WFDC3: variants seen among roughly 807,000 people sequenced by gnomAD.
The protein encoded by WFDC3 is WAP four-disulfide core domain protein 3.
In WFDC3, 15 loss-of-function variants were observed where a neutral mutation model predicts 25.8. The observed-to-expected ratio is 0.58, with a 90% confidence interval of 0.39 to 0.89. The LOEUF (loss-of-function observed/expected upper bound fraction) is 0.89, where lower values mean the gene tolerates loss of function less well. Among genes scored for constraint, WFDC3 ranks in the 40% least tolerant of loss-of-function variants. The pLI is 0.00. For synonymous variants in WFDC3, 103 were observed against 107.1 expected (o/e 0.96, Z 0.24); for missense variants, 264 against 289.8 (o/e 0.91, Z 0.65).
intron 5 of WFDC3, among the ~76,000 whole-genome samples, chr20:45,776,175 C>T (rs978123669): frequency 4.0e-5 from 6 of 151,892 alleles, no homozygotes; most frequent in Non-Finnish European, 7.3e-5. Flanking sequence ...GCACAAGGGT[C>T]AATGATTCTT....
At chr20:45,789,795 T>G (rs745498168) in intron 2 of WFDC3, 99 bp downstream of exon 2, 2 of 1,089,434 alleles carry the variant, frequency 1.8e-6, no homozygotes, top group Non-Finnish European at 2.8e-6. Context: ...CATCTCCACT[T>G]ACAAGCAACC....
At chr20:45,784,600 GCATAGTGGCA>G (rs1287585449) in intron 4 of WFDC3, among the ~76,000 whole-genome samples, 8 of 152,206 alleles carry the variant, frequency 5.3e-5, no homozygotes, top group Non-Finnish European at 1.0e-4. Flanking sequence ...AATTAGCTGA[GCATAGTGGCA>G]CATGCCTATA....
rs1011568947 is a variant in WFDC3, at chr20:45,791,835, G to A, written c.-11C>T. On this transcript the variant is annotated 5_prime_UTR_variant, in exon 1 of 7. Transcript: ENST00000243938. Reference sequence around the variant, plus strand: ...AGCCCCAACGACCTCCACCTACAAGGCCTCTAAGTGTAACTGTCCTGGGCG... The same window carrying A: ...AGCCCCAACGACCTCCACCTACAAGACCTCTAAGTGTAACTGTCCTGGGCG... 33 of 422,582 alleles carry A rather than the reference G, an allele frequency of 7.8e-5. No homozygotes were observed. The highest frequency in any genetic ancestry group is 8.9e-5 in the Admixed American group (2 of 22,588). 26.2% of individuals were successfully genotyped at this position (422,582 alleles called of 1,614,324 possible).
intron 4 of WFDC3, among the ~76,000 whole-genome samples, chr20:45,783,705 C>T (rs1411142812): frequency 6.6e-6 from 1 of 151,944 alleles, no homozygotes; most frequent in East Asian, 1.9e-4. Context: ...CCTCAGGCAA[C>T]CTGACTGAAC....
intron 1 of WFDC3, among the ~76,000 whole-genome samples, chr20:45,790,416 T>C (rs571776251): frequency 1.3e-5 from 2 of 152,178 alleles, no homozygotes; most frequent in Non-Finnish European, 2.9e-5. Flanking sequence ...CATAATAAAA[T>C]TGTGGCTCCT....
intron 5 of WFDC3, among the ~76,000 whole-genome samples, chr20:45,776,806 C>T (rs909580522): frequency 6.6e-5 from 10 of 151,696 alleles, no homozygotes; most frequent in Non-Finnish European, 1.2e-4. Flanking sequence ...GTTTGCTTAC[C>T]TAAGGTCACA....
chr20:45,779,035 C>T (rs1980322229), intron 4 of WFDC3, among the ~76,000 whole-genome samples: 1 of 152,174 alleles, frequency 6.6e-6, no homozygotes, highest in Non-Finnish European at 1.5e-5. Context: ...AGAGAAGAAT[C>T]TTGCCCAGAA....
intron 4 of WFDC3, 27 bp from the exon 5 acceptor site, chr20:45,777,236 G>C (rs1323358787): frequency 1.4e-6 from 2 of 1,477,068 alleles, no homozygotes; most frequent in Admixed American, 2.5e-5. Context: ...TTGGAGCCCA[G>C]AGACGCTCAC....
intron 4 of WFDC3, among the ~76,000 whole-genome samples, chr20:45,784,275 G>C (rs1980575846): frequency 6.6e-6 from 1 of 152,224 alleles, no homozygotes; most frequent in South Asian, 2.1e-4. Context: ...GCCCAAGATA[G>C]CTGCCTAAGC....
intron 1 of WFDC3, chr20:45,790,904 G>A (rs1188608438): frequency 2.1e-6 from 1 of 471,098 alleles, no homozygotes; most frequent in Admixed American, 2.3e-5. Flanking sequence ...TGCTATGTAT[G>A]ACTCAAATAG....
At chr20:45,775,085 T>C (rs576800383) in intron 6 of WFDC3, among the ~76,000 whole-genome samples, 114 of 152,310 alleles carry the variant, frequency 7.5e-4, no homozygotes, top group African/African-American at 2.7e-3. Flanking sequence ...GGCATGTCCC[T>C]GTGCTATCCT....
At chr20:45,781,692 T>G (rs1980451276) in intron 4 of WFDC3, among the ~76,000 whole-genome samples, 1 of 152,184 alleles carries the variant, frequency 6.6e-6, no homozygotes, top group African/African-American at 2.4e-5. Flanking sequence ...AGTTCTCTAC[T>G]GGGGGCTGGT....
chr20:45,780,129 C>T (rs938623956), intron 4 of WFDC3, among the ~76,000 whole-genome samples: 62 of 148,446 alleles, frequency 4.2e-4, no homozygotes, highest in African/African-American at 1.4e-3. Flanking sequence ...GGTGCAGTGC[C>T]GCAATGGTGG....
chr20:45,777,112 G>A lies in WFDC3; in HGVS notation c.456C>T (p.Thr152=), dbSNP rs772120154. The A allele has an allele frequency of 5.0e-5, 80 of 1,612,068 alleles. No homozygotes were observed. The highest frequency in any genetic ancestry group is 1.3e-4 in the South Asian group (12 of 90,944). The part of the protein sequence containing the change: ...SCPQGHKCCS[T]GCGRTCLGDI... ...CTCCGAGGCAGGTGCGGCCACAGCC[G>A]GTGCTGCAGCATTTATGCCCCTGGG... The change falls in exon 5 of 7, where the codon ACC becomes ACT. Residue 152 remains threonine (T), a synonymous_variant. Coordinates refer to ENST00000243938, the MANE Select transcript of WFDC3 (RefSeq NM_080614.2).
intron 4 of WFDC3, among the ~76,000 whole-genome samples, chr20:45,780,850 G>A (rs1980410494): frequency 6.6e-6 from 1 of 152,174 alleles, no homozygotes; most frequent in Non-Finnish European, 1.5e-5. Flanking sequence ...TGTAAATAGA[G>A]AGACAGACAA....
At chr20:45,786,987 G>C (rs1380729464) in intron 4 of WFDC3, among the ~76,000 whole-genome samples, 3 of 150,976 alleles carry the variant, frequency 2.0e-5, no homozygotes, top group Non-Finnish European at 4.4e-5. Flanking sequence ...CCAGATAATA[G>C]GGAGGCTGAG....
At chr20:45,783,550 C>T (rs780749419) in intron 4 of WFDC3, among the ~76,000 whole-genome samples, 1 of 151,952 alleles carries the variant, frequency 6.6e-6, no homozygotes, top group Non-Finnish European at 1.5e-5. Flanking sequence ...TCCTTATCCC[C>T]ATTTTACAGA....
chr20:45,776,580 A>G (rs1271240607), intron 5 of WFDC3, among the ~76,000 whole-genome samples: 2 of 135,888 alleles, frequency 1.5e-5, no homozygotes, highest in Non-Finnish European at 3.1e-5. Flanking sequence ...CCTGGGGTAC[A>G]GACCAAGACT....
intron 2 of WFDC3, among the ~76,000 whole-genome samples, chr20:45,789,437 T>C (rs1328772746): frequency 5.0e-4 from 69 of 137,954 alleles, no homozygotes; most frequent in Non-Finnish European, 4.6e-5. Flanking sequence ...ACCTGGGAGG[T>C]GGAGTTTGCA....
Sources: gnomAD v4.1 joint callset for allele counts (sites outside exome capture counted in the v4.1 genomes callset) on GRCh38, gnomAD v4.1.1 for gene constraint, MANE v1.5 for transcripts, NCBI Gene and HGNC (gene_info 2026-07-23, HGNC 2026-07-21) for gene names.